The following CACNA1C variants were observed in gnomAD, a reference collection of about 807,000 sequenced individuals.
The protein encoded by CACNA1C is voltage-dependent L-type calcium channel subunit alpha-1C.
Under a neutral mutation model 229.0 loss-of-function variants are expected in CACNA1C, and 30 were observed. That is an observed-to-expected ratio of 0.13 (90% confidence interval 0.10 to 0.18). The LOEUF is 0.18. CACNA1C is among the 10% of genes least tolerant of loss of function. CACNA1C has a pLI of 1.00. For missense variants in CACNA1C, 1,658 were observed against 2,845.0 expected, an observed-to-expected ratio of 0.58 and a Z score of 9.49; for synonymous variants, 1,114 against 1,132.5, an observed-to-expected ratio of 0.98 and a Z score of 0.33.
chr12:2,448,344 C>T (rs1222416949), intron 3 of CACNA1C, among the ~76,000 whole-genome samples: 2 of 152,338 alleles, frequency 1.3e-5, no homozygotes, highest in African/African-American at 2.4e-5. Flanking sequence ...AAATGTTCGA[C>T]GTCTTTGGAC....
intron 3 of CACNA1C, among the ~76,000 whole-genome samples, chr12:2,414,561 G>A (rs187704176): frequency 6.6e-6 from 1 of 152,166 alleles, no homozygotes; most frequent in Non-Finnish European, 1.5e-5. Flanking sequence ...AGTGTCAAAG[G>A]AAGGGCAGCG....
At position 2,479,341 on chromosome 12, in the gene CACNA1C, A is replaced by C. The variant is rs1312156338; in HGVS notation, c.758-6763A>C. ...GTGATCTGCCCACTTCTGCCTCCTG[A>C]AGTGCTGGGATTACAAGCCTAAAGC... On this transcript the variant is annotated intron_variant, in intron 5 of 46. Coordinates refer to ENST00000399655, the MANE Select transcript of CACNA1C (RefSeq NM_000719.7). This position sits in a 1 kb window ranked among gnomAD's most constrained non-coding sequence, Gnocchi z 4.3. Among the ~76,000 whole-genome samples, 1 of 152,122 alleles carries C rather than the reference A, an allele frequency of 6.6e-6. No individual in the cohort carries two copies. The highest frequency in any genetic ancestry group is 1.5e-5 in the Non-Finnish European group (1 of 68,016).
At chr12:2,673,465 TAAA>T (rs527320564) in intron 38 of CACNA1C, among the ~76,000 whole-genome samples, 15 of 100,676 alleles carry the variant, frequency 1.5e-4, no homozygotes, top group East Asian at 3.0e-4. Context: ...AACTTCCGTC[TAAA>T]AAAAAAAAAA....
chr12:2,056,231 GTGTGTGTT>G (rs1212270052), intron 1 of CACNA1C, among the ~76,000 whole-genome samples: 2 of 133,070 alleles, frequency 1.5e-5, no homozygotes, highest in Non-Finnish European at 3.2e-5. Flanking sequence ...GTGTGTGTGT[GTGTGTGTT>G]GAGGGTCGAA....
intron 3 of CACNA1C, among the ~76,000 whole-genome samples, chr12:2,334,096 A>G (rs771376130): frequency 6.6e-6 from 1 of 152,188 alleles, no homozygotes; most frequent in African/African-American, 2.4e-5. Flanking sequence ...GCCTCAGAAG[A>G]TGAATTTGCC....
intron 1 of CACNA1C, among the ~76,000 whole-genome samples, chr12:2,023,533 T>C (rs953823842): frequency 2.6e-5 from 4 of 152,190 alleles, no homozygotes; most frequent in African/African-American, 9.6e-5. Context: ...CTTCCTCCTA[T>C]TGGCTAATGT....
At chr12:2,558,317 G>T (rs2045621252) in intron 11 of CACNA1C, among the ~76,000 whole-genome samples, 1 of 152,228 alleles carries the variant, frequency 6.6e-6, no homozygotes, top group Admixed American at 6.5e-5. Context: ...ACCTGCTGAG[G>T]TCCATCTGGT....
intron 3 of CACNA1C, among the ~76,000 whole-genome samples, chr12:2,196,714 T>G (rs2097415524): frequency 6.6e-6 from 1 of 152,228 alleles, no homozygotes; most frequent in Non-Finnish European, 1.5e-5. Context: ...AAAAGACGGT[T>G]GCTTTATGCA....
At position 2,110,413 on chromosome 12, in the gene CACNA1C, G is replaced by T. The variant is rs2081200962; in HGVS notation, c.50-4811G>T. 2.6e-5 allele frequency among the ~76,000 whole-genome samples: 4 copies of T among 152,354 alleles called. No homozygotes were observed. The South Asian group carries it at 8.3e-4, about 32-fold the overall frequency. On this transcript the variant is annotated intron_variant, in intron 1 of 46. Transcript: ENST00000399655. ...CAGCTGCTCAGGGCCTTGTTCAGGG[G>T]TGGGAGCATCCGTGGAAACAGCCCA...
rs750852324 is a variant in CACNA1C, at chr12:2,177,587, C to CCCTCCCTCCCTCCTTCCTT, written c.477+57160_477+57161insCCCTCCCTCCTTCCTTCCT. 6.6e-4 allele frequency among the ~76,000 whole-genome samples: 52 copies of CCCTCCCTCCCTCCTTCCTT among 78,522 alleles called. 2 individuals are homozygous for CCCTCCCTCCCTCCTTCCTT. Among genetic ancestry groups the CCCTCCCTCCCTCCTTCCTT allele is most frequent in the South Asian group, 6.4e-3 (10 of 1,572 alleles). The allele number at this position is 78,522 out of a possible 152,430, so 51.5% of individuals were successfully genotyped here. On this transcript the variant is annotated intron_variant, in intron 3 of 46. Transcript: ENST00000399655. ...TCCCTCCCTCCCTCCCTCCCTCCCT[C>CCCTCCCTCCCTCCTTCCTT]CCTTCCTTCCTTCCTTCCTTCCTTC...
intron 1 of CACNA1C, among the ~76,000 whole-genome samples, chr12:2,060,757 G>A (rs1432483524): frequency 6.6e-6 from 1 of 152,178 alleles, no homozygotes; most frequent in Non-Finnish European, 1.5e-5. Flanking sequence ...GGCTACACTT[G>A]GTGTTGCCCA....
Position 2,651,733 on chromosome 12 carries a change from C to T in CACNA1C, c.4039C>T (p.Arg1347Trp). The T allele has an allele frequency of 6.2e-7, 1 of 1,613,346 alleles. No individual in the cohort carries two copies. Among genetic ancestry groups the T allele is most frequent in the Non-Finnish European group, 8.5e-7 (1 of 1,179,520 alleles). Residue 1347 changes from arginine to tryptophan, a missense_variant, in exon 32 of 47, where the codon CGG becomes TGG. Coordinates refer to ENST00000399655, the MANE Select transcript of CACNA1C (RefSeq NM_000719.7). This position sits in a 1 kb window ranked among gnomAD's most constrained non-coding sequence, Gnocchi z 5.4. ...VKLLSRGEGI[R>W]TLLWTFIKSF... is the part of the protein sequence containing the mutation. Reference sequence around the variant, plus strand: ...GCTGCTGAGCCGTGGGGAGGGCATCCGGACGCTGCTGTGGACCTTCATCAA... The same window carrying T: ...GCTGCTGAGCCGTGGGGAGGGCATCTGGACGCTGCTGTGGACCTTCATCAA...
chr12:2,243,821 T>G (rs1002815618), intron 3 of CACNA1C, among the ~76,000 whole-genome samples: 2 of 152,204 alleles, frequency 1.3e-5, no homozygotes, highest in African/African-American at 4.8e-5. Context: ...TCGCTGCAAT[T>G]GTCAGATGAG....
chr12:1,993,187 T>C (rs2039910191), intron 1 of CACNA1C: 1 of 1,600,120 alleles, frequency 6.2e-7, no homozygotes, highest in African/African-American at 1.3e-5. Flanking sequence ...GCAAACACAA[T>C]GGCAAACACT....
At chr12:2,176,197 T>G (rs1446068617) in intron 3 of CACNA1C, among the ~76,000 whole-genome samples, 1 of 151,996 alleles carries the variant, frequency 6.6e-6, no homozygotes, top group Non-Finnish European at 1.5e-5. Context: ...AAGCAAACTC[T>G]TGAGAAGGTG....
intron 7 of CACNA1C, among the ~76,000 whole-genome samples, chr12:2,495,649 C>T (rs1348201716): frequency 6.6e-6 from 1 of 152,230 alleles, no homozygotes; most frequent in Non-Finnish European, 1.5e-5. Context: ...TGTGTTGTGC[C>T]TTCTCCCCTG....
At chr12:1,992,961 C>T (rs2039825030) in intron 1 of CACNA1C, 4 of 598,720 alleles carry the variant, frequency 6.7e-6, no homozygotes, top group Admixed American at 3.0e-5. Flanking sequence ...TCACTAAGAA[C>T]TTGCCTCACC....
At chr12:2,114,412 G>C (rs2083009803) in intron 1 of CACNA1C, among the ~76,000 whole-genome samples, 1 of 152,164 alleles carries the variant, frequency 6.6e-6, no homozygotes, top group Non-Finnish European at 1.5e-5. Context: ...AAGTCACACA[G>C]TGTCACTTTT....
intron 3 of CACNA1C, among the ~76,000 whole-genome samples, chr12:2,440,368 T>C (rs2099209826): frequency 6.6e-6 from 1 of 152,216 alleles, no homozygotes; most frequent in Non-Finnish European, 1.5e-5. Context: ...GTAAGTGGGA[T>C]CATACGGTAT....
Sources: gnomAD v4.1 joint callset for allele counts (sites outside exome capture counted in the v4.1 genomes callset) on GRCh38, gnomAD v4.1.1 for gene constraint, Gnocchi (gnomAD v3.1) non-coding constraint, MANE v1.5 for transcripts, NCBI Gene and HGNC (gene_info 2026-07-23, HGNC 2026-07-21) for gene names.